COX18: variants seen among roughly 807,000 people sequenced by gnomAD.
COX18 encodes the protein cytochrome c oxidase assembly factor COX18, also known as cytochrome c oxidase assembly protein COX18, mitochondrial.
In COX18, 45 loss-of-function variants were observed where a neutral mutation model predicts 38.0. The observed-to-expected ratio is 1.18, with a 90% CI of 0.93 to 1.52. The LOEUF (loss-of-function observed/expected upper bound fraction) is 1.52. Among genes scored for constraint, COX18 ranks in the 40% most tolerant of loss-of-function variants. The probability of loss-of-function intolerance (pLI) is 0.00; values close to 1 mark genes in which losing one functional copy is unlikely to be tolerated. For missense variants in COX18, 462 were observed against 423.8 expected (o/e 1.09, Z -0.79); for synonymous variants, 177 against 169.8 (o/e 1.04, Z -0.33).
Position 73,068,021 on chromosome 4 carries a change from T to A in COX18, c.434+8A>T. 1 of 1,596,854 alleles carries A rather than the reference T, an allele frequency of 6.3e-7. No individual in the cohort carries two copies. Among genetic ancestry groups the A allele is most frequent in the Non-Finnish European group, 8.6e-7 (1 of 1,166,428 alleles). On this transcript the variant is annotated splice_region_variant and intron_variant, in intron 2 of 5. Transcript: ENST00000507544. The stretch of plus-strand genomic sequence containing the variant: ...GCGTATGGTCTTACGTGGATATAAT[T>A]AGCTTACCTGGCATCTCTTTTGGAC...
intron 4 of COX18, 39 bp downstream of exon 4, chr4:73,064,739 C>T (rs775970327): frequency 1.9e-6 from 3 of 1,601,244 alleles, no homozygotes; most frequent in Non-Finnish European, 2.6e-6. Context: ...AACAAAAATC[C>T]CCATAAATGG....
chr4:73,067,864 A>AAAT lies in COX18; in HGVS notation c.434+164_434+165insATT. Among the ~76,000 whole-genome samples the AAAT allele has an allele frequency of 7.7e-3, 154 of 20,034 alleles. 7 individuals carry two copies. The highest frequency in any genetic ancestry group is 9.4e-3 in the Non-Finnish European group (61 of 6,464). 13.1% of individuals were successfully genotyped at this position (20,034 alleles called of 152,430 possible). A position where few individuals can be genotyped will look rare whatever the true frequency, so the allele number is the denominator to read the frequency against. On this transcript the variant is annotated intron_variant, in intron 2 of 5. Coordinates refer to ENST00000507544, the MANE Select transcript of COX18 (RefSeq NM_001297732.2). The stretch of plus-strand genomic sequence containing the variant: ...CTCAAAAAAAAAAAAAAAAAAAAAA[A>AAAT]ATATATATATATATATATATAAAAA...
chr4:73,063,288 AGAGT>A (rs1720268152), intron 4 of COX18, among the ~76,000 whole-genome samples: 1 of 152,046 alleles, frequency 6.6e-6, no homozygotes, highest in Non-Finnish European at 1.5e-5. Context: ...CCTAGGAAAC[AGAGT>A]GAGACTCTGT....
At chr4:73,060,706 C>G (rs1720111334) in intron 5 of COX18, among the ~76,000 whole-genome samples, 1 of 151,872 alleles carries the variant, frequency 6.6e-6, no homozygotes, top group African/African-American at 2.4e-5. Flanking sequence ...ATGACGAAAC[C>G]CCACCTCTAC....
At chr4:73,066,151 T>C (rs958561361) in intron 2 of COX18, among the ~76,000 whole-genome samples, 1 of 152,236 alleles carries the variant, frequency 6.6e-6, no homozygotes, top group Non-Finnish European at 1.5e-5. Context: ...AATAAGACAG[T>C]ACACAAAGAC....
At chr4:73,067,864 A>AATATATATATATAT (rs1377330345) in intron 2 of COX18, among the ~76,000 whole-genome samples, 165 bp downstream of exon 2, 98 of 19,986 alleles carry the variant, frequency 4.9e-3, no homozygotes, top group Admixed American at 0.012. Flanking sequence ...AAAAAAAAAA[A>AATATATATATATAT]ATATATATAT....
At chr4:73,067,292 A>G (rs1171735862) in intron 2 of COX18, among the ~76,000 whole-genome samples, 1 of 152,236 alleles carries the variant, frequency 6.6e-6, no homozygotes, top group Non-Finnish European at 1.5e-5. Flanking sequence ...TTTGTTGACC[A>G]ATATCACAAA....
Position 73,061,866 on chromosome 4 carries a change from A to C in COX18, c.778T>G (p.Phe260Val). 1 of 1,613,918 alleles carries C rather than the reference A, an allele frequency of 6.2e-7. No homozygotes were observed. The highest frequency in any genetic ancestry group is 8.5e-7 in the Non-Finnish European group (1 of 1,179,848). ...MSRFQTYITY[F>V]VRAMSVLMIP... Reference sequence around the variant, plus strand: ...ATCAACACCGACATTGCACGGACAAAGTACGTAATATACGTCTGAAAACGA... The same window carrying C: ...ATCAACACCGACATTGCACGGACAACGTACGTAATATACGTCTGAAAACGA... The change falls in exon 5 of 6, where the codon TTT becomes GTT. Residue 260 changes from phenylalanine (F) to valine (V), a missense_variant. Phe to Val is a conservative substitution (Grantham distance 50). Transcript: ENST00000507544.
Position 73,069,638 on chromosome 4 carries a change from C to G in COX18, c.12G>C (p.Arg4=), listed in dbSNP as rs868301016. The stretch of plus-strand genomic sequence containing the variant: ...GCGGCCGCAGCCACCGACCGCCGAG[C>G]CGGCACAGCATTTCTGCACCACGGC... MLC[R]LGGRWLRPLP... The change falls in exon 1 of 6, where the codon CGG becomes CGC. Residue 4 remains arginine (R), a synonymous_variant. Transcript: ENST00000507544. 1 of 1,549,542 alleles carries G rather than the reference C, an allele frequency of 6.5e-7. No homozygotes were observed. The highest frequency in any genetic ancestry group is 8.7e-7 in the Non-Finnish European group (1 of 1,152,616).
intron 2 of COX18, among the ~76,000 whole-genome samples, chr4:73,066,814 G>A (rs914855057): frequency 1.3e-5 from 2 of 152,054 alleles, no homozygotes; most frequent in African/African-American, 2.4e-5. Context: ...CTATCACCAC[G>A]ATTTTTTAAA....
intron 2 of COX18, 41 bp downstream of exon 2, chr4:73,067,988 G>A: frequency 2.9e-6 from 3 of 1,032,244 alleles, no homozygotes; most frequent in Middle Eastern, 2.1e-4. Flanking sequence ...GTGTGTGTGT[G>A]TATGTGTGCG....
At chr4:73,062,759 C>T (rs1164585707) in intron 4 of COX18, among the ~76,000 whole-genome samples, 2 of 149,992 alleles carry the variant, frequency 1.3e-5, no homozygotes, top group Non-Finnish European at 1.5e-5. Context: ...ATCGCTTAAG[C>T]CTGGAAGGCA....
rs908869699 is a variant in COX18 at position 73,069,589 on chromosome 4, T to C, written c.61A>G (p.Arg21Gly). 2 of 1,559,466 alleles carry C rather than the reference T, an allele frequency of 1.3e-6. No individual in the cohort carries two copies. The highest frequency in any genetic ancestry group is 8.7e-7 in the Non-Finnish European group (1 of 1,154,120). ...GGAACCGGCGCAAGCGGCAGGTCCC[T>C]AGCCCAAAGCTGCAGGGCAGGGAGC... ...RPLPALQLWA[R>G]DLPLAPVPTS... Residue 21 changes from arginine to glycine, a missense_variant, in exon 1 of 6, where the codon AGG (arginine) becomes GGG (glycine). Arg to Gly is a moderately radical substitution (Grantham distance 125, BLOSUM62 -2). Transcript: ENST00000507544.
At chr4:73,061,519 T>G in intron 5 of COX18, among the ~76,000 whole-genome samples, 1 of 151,726 alleles carries the variant, frequency 6.6e-6, no homozygotes, top group East Asian at 1.9e-4. Context: ...CCATCCTGGT[T>G]AATATGGTGA....
chr4:73,053,153 C>T lies in COX18; in HGVS notation c.*4961G>A, dbSNP rs1305528874. Reference sequence around the variant, plus strand: ...GTCATCTAGGAGGACCTCTGTACCTCCTCTGAGATGTGAACTGTGGGAAAA... The same window carrying T: ...GTCATCTAGGAGGACCTCTGTACCTTCTCTGAGATGTGAACTGTGGGAAAA... On this transcript the variant is annotated 3_prime_UTR_variant, in exon 6 of 6. Transcript: ENST00000507544. 1.3e-5 allele frequency: 2 copies of T among 152,094 alleles called. No homozygotes were observed. The highest frequency in any genetic ancestry group is 4.8e-5 in the African/African-American group (2 of 41,414). The allele number at this position is 152,094 out of a possible 1,614,324, so 9.4% of individuals were successfully genotyped here.
chr4:73,066,190 G>T (rs1720438485), intron 2 of COX18, among the ~76,000 whole-genome samples: 1 of 152,130 alleles, frequency 6.6e-6, no homozygotes, highest in Non-Finnish European at 1.5e-5. Context: ...TTTCACATTT[G>T]CCTATTCTTC....
chr4:73,061,808 C>G lies in COX18; in HGVS notation c.831+5G>C. ...ATGCTACACACAATATTGGTGCTTA[C>G]TCACTGAGGGTACCGTTGCAGCAAT... On this transcript the variant is annotated splice_donor_5th_base_variant and intron_variant, in intron 5 of 5. Coordinates refer to ENST00000507544, the MANE Select transcript of COX18 (RefSeq NM_001297732.2). The G allele has an allele frequency of 6.4e-7, 1 of 1,558,150 alleles. No individual in the cohort carries two copies. The highest frequency in any genetic ancestry group is 1.4e-5 in the African/African-American group (1 of 73,666).
intron 4 of COX18, among the ~76,000 whole-genome samples, chr4:73,064,550 A>G (rs984907556): frequency 6.6e-5 from 10 of 152,376 alleles, no homozygotes; most frequent in African/African-American, 2.2e-4. Flanking sequence ...AAGCTGAAAG[A>G]GACTTGGAAG....
chr4:73,058,779 GACAA>G (rs1560469495), intron 5 of COX18, among the ~76,000 whole-genome samples: 1 of 152,094 alleles, frequency 6.6e-6, no homozygotes, highest in Non-Finnish European at 1.5e-5. Flanking sequence ...CTTCTTCTGA[GACAA>G]ACAGCCTCAG....
Sources: gnomAD v4.1 joint callset for allele counts (sites outside exome capture counted in the v4.1 genomes callset) on GRCh38, gnomAD v4.1.1 for gene constraint, MANE v1.5 for transcripts, NCBI Gene and HGNC (gene_info 2026-07-23, HGNC 2026-07-21) for gene names.